Variants in PIK3C2G observed in about 807,000 individuals in gnomAD.
PIK3C2G encodes the protein phosphatidylinositol 3-kinase C2 domain-containing subunit gamma.
A neutral mutation model predicts 181.1 loss-of-function variants in PIK3C2G; 168 were observed. The ratio of observed to expected loss-of-function variants is 0.93; its 90% confidence interval spans 0.82 to 1.05. PIK3C2G has a LOEUF of 1.05. Among genes scored for constraint, PIK3C2G ranks in the 50% least tolerant of loss-of-function variants. The probability of loss-of-function intolerance (pLI) is 0.00; values close to 1 mark genes in which losing one functional copy is unlikely to be tolerated. For synonymous variants in PIK3C2G, 573 were observed against 592.2 expected (o/e 0.97, Z 0.47); for missense variants, 1,869 against 1,732.8 (o/e 1.08, Z -1.40).
intron 1 of PIK3C2G, among the ~76,000 whole-genome samples, chr12:18,264,606 T>A (rs1430872306): frequency 6.6e-6 from 1 of 152,156 alleles, no homozygotes; most frequent in Non-Finnish European, 1.5e-5. Context: ...TTGCTTAGGT[T>A]CCATTATGAT....
the PIK3C2G span, among the ~76,000 whole-genome samples, chr12:18,722,545 A>G: frequency 6.6e-6 from 1 of 152,070 alleles, no homozygotes; most frequent in African/African-American, 2.4e-5. Context: ...GAGCTATTCT[A>G]TCAGTTAGTT....
chr12:18,247,760 T>C (rs1463352323), exon 1 of PIK3C2G: 2 of 152,178 alleles, frequency 1.3e-5, no homozygotes, highest in South Asian at 2.1e-4. Flanking sequence ...ATCTTGAACA[T>C]GTCTAGTCCT....
At chr12:18,267,002 T>C (rs768135263) in intron 1 of PIK3C2G, among the ~76,000 whole-genome samples, 2 of 152,086 alleles carry the variant, frequency 1.3e-5, no homozygotes, top group African/African-American at 2.4e-5. Flanking sequence ...CCATCTTCAA[T>C]GTTGGTTGTT....
At chr12:18,357,293 G>T (rs1940830881) in intron 11 of PIK3C2G, among the ~76,000 whole-genome samples, 1 of 151,642 alleles carries the variant, frequency 6.6e-6, no homozygotes, top group Non-Finnish European at 1.5e-5. Context: ...TTGTCAGGAG[G>T]TGTGGGTGTG....
In PIK3C2G at chr12:18,346,679, A is replaced by G. The variant is rs1200056490; in HGVS notation, c.1468A>G (p.Ile490Val). 6.2e-7 allele frequency: 1 copy of G among 1,613,382 alleles called. No individual in the cohort carries two copies. The highest frequency in any genetic ancestry group is 8.5e-7 in the Non-Finnish European group (1 of 1,179,442). The change falls in exon 11 of 33, where the codon ATC becomes GTC. Residue 490 changes from isoleucine (I) to valine (V), a missense_variant. Ile to Val is a conservative substitution (Grantham distance 29). Transcript: ENST00000538779. ...GGTAACAACTGAACTATCCACATCC[A>G]TCTACCAGCTAATCAATGTCTACTG... ...EKVTTELSTS[I>V]YQLINVYCNS...
the PIK3C2G span, among the ~76,000 whole-genome samples, chr12:18,665,926 C>T: frequency 7.3e-6 from 1 of 136,330 alleles, no homozygotes; most frequent in East Asian, 2.1e-4. Context: ...CAGAGATAGA[C>T]TCCATCTCAA....
rs775670304 is a variant in PIK3C2G at position 18,282,243 on chromosome 12, C to T, written c.162C>T (p.Tyr54=). 87 of 1,613,412 alleles carry T rather than the reference C, an allele frequency of 5.4e-5. No homozygotes were observed. Among genetic ancestry groups the T allele is most frequent in the South Asian group, 2.5e-4 (23 of 91,074 alleles). Residue 54 remains tyrosine (Y), a synonymous_variant, in exon 2 of 33, where the codon TAC becomes TAT. Coordinates refer to ENST00000538779, the MANE Select transcript of PIK3C2G (RefSeq NM_001288772.2). ...AGATCAGTGGCAAAATTCCACACTACGAGAGTGAAATTGATGAAAACACCT... is the reference window on the plus strand; with the variant it reads ...AGATCAGTGGCAAAATTCCACACTATGAGAGTGAAATTGATGAAAACACCT... ...VDEISGKIPH[Y]ESEIDENTFF...
intron 31 of PIK3C2G, among the ~76,000 whole-genome samples, chr12:18,639,827 G>A (rs1231551336): frequency 6.6e-6 from 1 of 152,034 alleles, no homozygotes; most frequent in Non-Finnish European, 1.5e-5. Context: ...AACTTTTGGA[G>A]CACCATAGAA....
chr12:18,522,019 G>A (rs1180072148), intron 24 of PIK3C2G, among the ~76,000 whole-genome samples: 2 of 152,154 alleles, frequency 1.3e-5, no homozygotes, highest in African/African-American at 4.8e-5. Context: ...TGGCTCTCAG[G>A]TGGCCCACTG....
upstream of PIK3C2G, among the ~76,000 whole-genome samples, chr12:18,261,071 G>T (rs1288500027): frequency 2.6e-5 from 4 of 151,930 alleles, no homozygotes; most frequent in African/African-American, 9.7e-5. Flanking sequence ...ATTAAATAAA[G>T]AAAATACCTC....
At chr12:18,623,118 C>T (rs1007362795) in intron 31 of PIK3C2G, among the ~76,000 whole-genome samples, 1 of 151,778 alleles carries the variant, frequency 6.6e-6, no homozygotes, top group South Asian at 2.1e-4. Context: ...AATCATTGCT[C>T]AGACCAATGT....
chr12:18,340,671 A>G (rs1939051983), intron 9 of PIK3C2G, among the ~76,000 whole-genome samples: 1 of 152,230 alleles, frequency 6.6e-6, no homozygotes, highest in Admixed American at 6.5e-5. Flanking sequence ...GTTTCTATCT[A>G]AACATCCTGT....
At chr12:18,663,723 C>A in the PIK3C2G span, among the ~76,000 whole-genome samples, 108 of 151,038 alleles carry the variant, frequency 7.2e-4, no homozygotes, top group Middle Eastern at 6.8e-3. Context: ...AAGACACAAA[C>A]AACAGAAGAA....
intron 30 of PIK3C2G, among the ~76,000 whole-genome samples, chr12:18,597,926 G>C (rs1280644841): frequency 6.6e-6 from 1 of 152,078 alleles, no homozygotes; most frequent in East Asian, 1.9e-4. Flanking sequence ...AAATACCTAG[G>C]AATCCAACTT....
At chr12:18,523,007 C>T (rs1000627060) in intron 24 of PIK3C2G, among the ~76,000 whole-genome samples, 4 of 151,762 alleles carry the variant, frequency 2.6e-5, no homozygotes, top group South Asian at 2.1e-4. Context: ...TTTTCTTTTG[C>T]TCGATCATGT....
intron 29 of PIK3C2G, among the ~76,000 whole-genome samples, chr12:18,577,500 GT>G (rs971831846): frequency 1.3e-5 from 2 of 152,070 alleles, no homozygotes; most frequent in African/African-American, 4.8e-5. Context: ...GCACTACATT[GT>G]TTTTATATTG....
intron 11 of PIK3C2G, among the ~76,000 whole-genome samples, chr12:18,357,245 C>T (rs1424712922): frequency 6.6e-6 from 1 of 151,772 alleles, no homozygotes; most frequent in African/African-American, 2.4e-5. Context: ...ATTAATATTG[C>T]TTTTACTTAT....
At chr12:18,719,510 A>T in the PIK3C2G span, 1 of 1,585,944 alleles carries the variant, frequency 6.3e-7, no homozygotes, top group Non-Finnish European at 8.6e-7. Flanking sequence ...GAAATAAAAT[A>T]ATCATTTAAT....
At chr12:18,327,656 G>C (rs1951406967) in intron 8 of PIK3C2G, among the ~76,000 whole-genome samples, 1 of 151,898 alleles carries the variant, frequency 6.6e-6, no homozygotes, top group African/African-American at 2.4e-5. Flanking sequence ...GAACTATAGA[G>C]AATATTTTTG....
Sources: gnomAD v4.1 joint callset for allele counts (sites outside exome capture counted in the v4.1 genomes callset) on GRCh38, gnomAD v4.1.1 for gene constraint, MANE v1.5 for transcripts, NCBI Gene and HGNC (gene_info 2026-07-23, HGNC 2026-07-21) for gene names.